Variants in SCFD2 observed in about 807,000 individuals in gnomAD.
SCFD2 encodes the protein sec1 family domain containing 2, also known as sec1 family domain-containing protein 2.
A neutral mutation model predicts 58.9 loss-of-function variants in SCFD2; 54 were observed. The observed-to-expected ratio is 0.92, with a 90% confidence interval of 0.74 to 1.15. SCFD2 has a LOEUF of 1.15. Among genes scored for constraint, SCFD2 ranks in the 50% most tolerant of loss-of-function variants. SCFD2 has a pLI of 0.00. For synonymous variants in SCFD2, 321 were observed against 335.9 expected (o/e 0.96, Z 0.49); for missense variants, 805 against 836.6 (o/e 0.96, Z 0.47).
intron 4 of SCFD2, among the ~76,000 whole-genome samples, chr4:53,194,401 A>G (rs916416776): frequency 6.6e-6 from 1 of 152,158 alleles, no homozygotes; most frequent in South Asian, 2.1e-4. Context: ...CCTTTTTAGA[A>G]CCTATAATTA....
chr4:53,311,802 A>AT (rs1258349416), intron 3 of SCFD2, among the ~76,000 whole-genome samples: 2 of 151,768 alleles, frequency 1.3e-5, no homozygotes, highest in Admixed American at 6.6e-5. Flanking sequence ...CACCCAGCTA[A>AT]TTTTTGTATT....
At chr4:52,992,173 C>T (rs543735997) in intron 5 of SCFD2, among the ~76,000 whole-genome samples, 83 of 152,272 alleles carry the variant, frequency 5.5e-4, no homozygotes, top group Middle Eastern at 3.4e-3. Flanking sequence ...ATTGCAGGAG[C>T]GCGCCACCAC....
At chr4:53,241,177 C>T (rs1729881101) in intron 4 of SCFD2, among the ~76,000 whole-genome samples, 1 of 152,198 alleles carries the variant, frequency 6.6e-6, no homozygotes. Context: ...GACCCCTCAA[C>T]CACCAAAGAC....
At position 53,131,559 on chromosome 4, in the gene SCFD2, A is replaced by C. The variant is rs1433348907; in HGVS notation, c.1561+13774T>G. ...GATGAGGGAGTATATTGATTCAGAT[A>C]AAAATAAAAAGCATATGAAGCTAGA... is the stretch of plus-strand genomic sequence containing the variant. On this transcript the variant is annotated intron_variant, in intron 5 of 8. Transcript: ENST00000401642. Among the ~76,000 whole-genome samples, 3 of 152,192 alleles carry C rather than the reference A, an allele frequency of 2.0e-5. No individual in the cohort carries two copies. In the South Asian group the frequency reaches 6.2e-4, roughly 32 times the overall value.
At chr4:53,294,840 T>C (rs890335503) in intron 3 of SCFD2, among the ~76,000 whole-genome samples, 2 of 152,200 alleles carry the variant, frequency 1.3e-5, no homozygotes, top group Non-Finnish European at 2.9e-5. Flanking sequence ...GGAATCCAGT[T>C]TCAGCTTTCT....
intron 6 of SCFD2, among the ~76,000 whole-genome samples, chr4:52,908,272 G>A (rs994382146): frequency 2.6e-5 from 4 of 152,100 alleles, no homozygotes; most frequent in South Asian, 2.1e-4. Flanking sequence ...TGAATAACCC[G>A]TCCATGTTTA....
intron 5 of SCFD2, among the ~76,000 whole-genome samples, chr4:53,023,132 G>A (rs370706640): frequency 5.9e-5 from 9 of 152,260 alleles, no homozygotes; most frequent in Middle Eastern, 3.4e-3. Flanking sequence ...TCATGGGTAC[G>A]TGGGTCTAAA....
chr4:53,187,565 A>G (rs572720900), intron 4 of SCFD2, among the ~76,000 whole-genome samples: 1 of 152,266 alleles, frequency 6.6e-6, no homozygotes, highest in South Asian at 2.1e-4. Flanking sequence ...TGATCTAACA[A>G]TGAGACTAGT....
chr4:53,007,685 A>C (rs1162744025), intron 5 of SCFD2, among the ~76,000 whole-genome samples: 1 of 152,224 alleles, frequency 6.6e-6, no homozygotes, highest in African/African-American at 2.4e-5. Flanking sequence ...AGCACCTGGA[A>C]GTACTCTATC....
chr4:53,325,773 A>G (rs1396237215), intron 2 of SCFD2, among the ~76,000 whole-genome samples: 1 of 152,250 alleles, frequency 6.6e-6, no homozygotes, highest in Non-Finnish European at 1.5e-5. Context: ...TAAGGTTCAG[A>G]AAGCATAAGC....
intron 2 of SCFD2, among the ~76,000 whole-genome samples, chr4:53,330,969 T>C (rs1280480082): frequency 5.3e-5 from 8 of 150,936 alleles, no homozygotes; most frequent in Non-Finnish European, 1.0e-4. Context: ...AAACAGACTT[T>C]AAACCAACAA....
chr4:53,046,208 G>A (rs569162896), intron 5 of SCFD2, among the ~76,000 whole-genome samples: 5 of 152,100 alleles, frequency 3.3e-5, no homozygotes, highest in Non-Finnish European at 5.9e-5. Context: ...AAATTAAAAT[G>A]AATATTTTAA....
intron 2 of SCFD2, among the ~76,000 whole-genome samples, chr4:53,331,802 C>T (rs946964273): frequency 2.0e-5 from 3 of 152,004 alleles, no homozygotes; most frequent in African/African-American, 4.8e-5. Context: ...ATTAATGAAT[C>T]CAGGAGCTGG....
chr4:53,344,506 C>T (rs182781494), intron 2 of SCFD2, among the ~76,000 whole-genome samples: 234 of 151,830 alleles, frequency 1.5e-3, no homozygotes, highest in Non-Finnish European at 2.8e-3. Flanking sequence ...ATCAATATCA[C>T]GAAAATGGCC....
chr4:52,898,670 T>G (rs1379508502), intron 7 of SCFD2, among the ~76,000 whole-genome samples: 1 of 152,226 alleles, frequency 6.6e-6, no homozygotes, highest in Non-Finnish European at 1.5e-5. Flanking sequence ...CTATTAGGTC[T>G]GCTTGGTGCA....
chr4:52,911,262 CAG>C (rs1218588156), intron 6 of SCFD2, among the ~76,000 whole-genome samples: 2 of 152,118 alleles, frequency 1.3e-5, no homozygotes, highest in Admixed American at 6.5e-5. Flanking sequence ...GACTGGGAGA[CAG>C]GGGAAAGCAG....
chr4:53,238,576 C>T (rs1210462447), intron 4 of SCFD2, among the ~76,000 whole-genome samples: 5 of 151,198 alleles, frequency 3.3e-5, no homozygotes, highest in South Asian at 2.1e-4. Context: ...GGGCGGCTGC[C>T]GGGCGGAGGG....
intron 4 of SCFD2, among the ~76,000 whole-genome samples, chr4:53,149,782 C>T (rs1422388749): frequency 1.3e-5 from 2 of 152,142 alleles, no homozygotes; most frequent in Non-Finnish European, 2.9e-5. Context: ...GAACCCATAA[C>T]CCTAGTCTAA....
intron 6 of SCFD2, among the ~76,000 whole-genome samples, chr4:52,911,483 C>CACTGGGACATTCCA (rs1719484554): frequency 6.6e-6 from 1 of 152,208 alleles, no homozygotes; most frequent in Non-Finnish European, 1.5e-5. Flanking sequence ...TTCTGTGCTA[C>CACTGGGACATTCCA]ACTGGGAATG....
Sources: allele counts gnomAD v4.1 joint callset (sites outside exome capture counted in the v4.1 genomes callset), GRCh38; gene constraint gnomAD v4.1.1; transcripts MANE v1.5; gene names NCBI Gene and HGNC (gene_info 2026-07-23, HGNC 2026-07-21).